CNTNAP2: variants seen among roughly 807,000 people sequenced by gnomAD.
CNTNAP2 encodes the protein contactin-associated protein-like 2.
In CNTNAP2, 98 loss-of-function variants were observed where a neutral mutation model predicts 155.2. That is an observed-to-expected ratio of 0.63 (90% CI 0.54 to 0.75). The LOEUF (loss-of-function observed/expected upper bound fraction) is 0.75. CNTNAP2 is among the 30% of genes least tolerant of loss of function. CNTNAP2 has a pLI of 0.00. For synonymous variants in CNTNAP2, 651 were observed against 631.2 expected, an observed-to-expected ratio of 1.03 and a Z score of -0.47; for missense variants, 1,727 against 1,688.1, an observed-to-expected ratio of 1.02 and a Z score of -0.40.
At chr7:147,891,802 C>A (rs966397912) in intron 13 of CNTNAP2, among the ~76,000 whole-genome samples, 1 of 151,896 alleles carries the variant, frequency 6.6e-6, no homozygotes, top group East Asian at 1.9e-4. Context: ...CCAACATAGC[C>A]CCCCCTACCA....
chr7:146,219,291 A>G (rs542921216), intron 1 of CNTNAP2, among the ~76,000 whole-genome samples: 5 of 152,288 alleles, frequency 3.3e-5, no homozygotes, highest in African/African-American at 9.6e-5. Flanking sequence ...TCAGTAAGCT[A>G]ATGAATACAC....
intron 14 of CNTNAP2, among the ~76,000 whole-genome samples, chr7:147,920,971 A>C (rs577939659): frequency 6.6e-6 from 1 of 151,372 alleles, no homozygotes; most frequent in Non-Finnish European, 1.5e-5. Flanking sequence ...CACCACGCCC[A>C]GCTAATTTTT....
At chr7:148,393,909 A>ATATC (rs1287848620) in intron 22 of CNTNAP2, among the ~76,000 whole-genome samples, 1 of 151,758 alleles carries the variant, frequency 6.6e-6, no homozygotes, top group Non-Finnish European at 1.5e-5. Context: ...ATAATTATTT[A>ATATC]TATCTTTATA....
intron 16 of CNTNAP2, among the ~76,000 whole-genome samples, chr7:148,142,582 A>C: frequency 6.6e-6 from 1 of 152,210 alleles, no homozygotes; most frequent in East Asian, 1.9e-4. Context: ...CATTACCAAA[A>C]CTAAACAGTG....
chr7:147,280,362 T>C (rs1286024303), intron 8 of CNTNAP2, among the ~76,000 whole-genome samples: 1 of 151,930 alleles, frequency 6.6e-6, no homozygotes, highest in Non-Finnish European at 1.5e-5. Context: ...GCAAGTCTGC[T>C]TCATATTCAG....
intron 12 of CNTNAP2, among the ~76,000 whole-genome samples, chr7:147,602,182 T>TA (rs58603215): frequency 0.02 from 3,064 of 150,896 alleles, 90 homozygotes; most frequent in African/African-American, 0.063. Flanking sequence ...ATTTATCCCT[T>TA]AAAAAAAAAT....
At chr7:147,300,976 T>G (rs1466080924) in intron 9 of CNTNAP2, among the ~76,000 whole-genome samples, 2 of 152,168 alleles carry the variant, frequency 1.3e-5, no homozygotes, top group Non-Finnish European at 2.9e-5. Context: ...ACTATGAGTA[T>G]TTTTTAAAAT....
Position 146,849,367 on chromosome 7 carries a change from A to G in CNTNAP2, c.402+9463A>G, listed in dbSNP as rs117993389. 5.3e-5 allele frequency among the ~76,000 whole-genome samples: 8 copies of G among 152,310 alleles called. No homozygotes were observed. The East Asian group carries it at 1.2e-3, about 22-fold the overall frequency. On this transcript the variant is annotated intron_variant, in intron 3 of 23. Transcript: ENST00000361727. ...AAACTGGAACCTTGAATCCAGGTAT[A>G]CTGACCTCACTACTGAATATGGAGC...
chr7:146,947,557 GTATATATATATATATATACATATATATA>G (rs1280775160), intron 3 of CNTNAP2, among the ~76,000 whole-genome samples: 1 of 50,714 alleles, frequency 2.0e-5, no homozygotes, highest in African/African-American at 5.7e-5. Context: ...GTGTGTGTGT[GTATATATATATATATATACATATATATA>G]TATATATATA....
intron 13 of CNTNAP2, among the ~76,000 whole-genome samples, chr7:147,704,771 G>A (rs189514780): frequency 5.8e-4 from 89 of 152,248 alleles, no homozygotes; most frequent in African/African-American, 1.9e-3. Context: ...TTATTGGTTC[G>A]TTCAGGCTTT....
rs1234373724 is a variant in CNTNAP2, at chr7:146,500,795, T to G, written c.98-273476T>G. The stretch of plus-strand genomic sequence containing the variant: ...GGGCTAAACAGATATTTATGTGTTG[T>G]TCCTAATCTTCAAAGAATGCATTTC... On this transcript the variant is annotated intron_variant, in intron 1 of 23. Transcript: ENST00000361727. 5.9e-5 allele frequency among the ~76,000 whole-genome samples: 9 copies of G among 152,300 alleles called. No homozygotes were observed. In the East Asian group the frequency reaches 1.4e-3, roughly 23 times the overall value.
intron 15 of CNTNAP2, among the ~76,000 whole-genome samples, chr7:148,053,498 T>A (rs1027305565): frequency 6.6e-6 from 1 of 152,198 alleles, no homozygotes; most frequent in East Asian, 1.9e-4. Flanking sequence ...TGGCAGATTG[T>A]CAGCTATGGC....
In CNTNAP2 at chr7:147,102,282, G is replaced by GAA. The variant is rs555981471; in HGVS notation, c.551-5851_551-5850dup. Among the ~76,000 whole-genome samples, 44 of 110,608 alleles carry GAA rather than the reference G, an allele frequency of 4.0e-4. 1 individual carries two copies. Among genetic ancestry groups the GAA allele is most frequent in the African/African-American group, 1.5e-3 (41 of 28,258 alleles). The allele number at this position is 110,608 out of a possible 152,430, so 72.6% of individuals were successfully genotyped here. A position where few individuals can be genotyped will look rare whatever the true frequency, so the allele number is the denominator to read the frequency against. ...GTCGCTAAATGTAGGTAGGCAAAAA[G>GAA]AAAAAAAAAAAAAAAGAAGCTCAAG... On this transcript the variant is annotated intron_variant, in intron 4 of 23. Coordinates refer to ENST00000361727, the MANE Select transcript of CNTNAP2 (RefSeq NM_014141.6).
In CNTNAP2 at chr7:148,232,257, C is replaced by G. The variant is rs555006564; in HGVS notation, c.3381+2478C>G. ...AAGCAGATCCCAGGGCTTCTCACTC[C>G]CATGCCCCACTTTCTTTCATGCAGG... On this transcript the variant is annotated intron_variant, in intron 20 of 23. Coordinates refer to ENST00000361727, the MANE Select transcript of CNTNAP2 (RefSeq NM_014141.6). Among the ~76,000 whole-genome samples the G allele has an allele frequency of 1.1e-4, 16 of 152,306 alleles. No individual in the cohort carries two copies. The South Asian group carries it at 3.1e-3, about 30-fold the overall frequency.
intron 1 of CNTNAP2, among the ~76,000 whole-genome samples, chr7:146,462,565 T>C (rs1234992251): frequency 1.3e-5 from 2 of 152,202 alleles, no homozygotes; most frequent in East Asian, 1.9e-4. Context: ...CTGCTCTTGA[T>C]ATTGGTGTGA....
chr7:147,502,967 G>C (rs1323594069), intron 11 of CNTNAP2, among the ~76,000 whole-genome samples: 1 of 152,118 alleles, frequency 6.6e-6, no homozygotes, highest in Non-Finnish European at 1.5e-5. Flanking sequence ...AGTACCCTCT[G>C]TGCTTTTCCT....
chr7:147,592,154 C>T (rs540622366), intron 12 of CNTNAP2, among the ~76,000 whole-genome samples: 1 of 152,172 alleles, frequency 6.6e-6, no homozygotes, highest in Non-Finnish European at 1.5e-5. Context: ...ATCTTTAGTG[C>T]CTAGCAAAGG....
At position 148,073,993 on chromosome 7, in the gene CNTNAP2, G is replaced by A. The variant is rs79799209; in HGVS notation, c.2384-44125G>A. Among the ~76,000 whole-genome samples the A allele has an allele frequency of 2.0e-3, 300 of 152,254 alleles. 7 individuals carry two copies. The East Asian group carries it at 0.046, about 23-fold the overall frequency. ...CTGGAACCAATCCCCCATAGATAGC[G>A]AGAGATGACGGTATACATAGGGTCC... On this transcript the variant is annotated intron_variant, in intron 15 of 23. Transcript: ENST00000361727.
intron 20 of CNTNAP2, among the ~76,000 whole-genome samples, chr7:148,255,439 G>T (rs549457455): frequency 1.3e-5 from 2 of 152,114 alleles, no homozygotes; most frequent in African/African-American, 4.8e-5. Flanking sequence ...CGTTTGCTTG[G>T]TTTCTTTTTA....
Sources: allele counts gnomAD v4.1 joint callset (sites outside exome capture counted in the v4.1 genomes callset), GRCh38; gene constraint gnomAD v4.1.1; transcripts MANE v1.5; gene names NCBI Gene and HGNC (gene_info 2026-07-23, HGNC 2026-07-21).